ZNF99: variants seen among roughly 807,000 people sequenced by gnomAD.
ZNF99 encodes zinc finger protein 99.
ZNF99 carries 8 observed loss-of-function variants against 12.8 expected under a neutral mutation model. That is an observed-to-expected ratio of 0.62 (90% confidence interval 0.37 to 1.13). ZNF99 has a LOEUF of 1.13. Ranked by LOEUF, ZNF99 falls within the 50% of genes most tolerant of loss-of-function variation. ZNF99 has a pLI of 0.02. For synonymous variants in ZNF99, 318 were observed against 319.0 expected, an observed-to-expected ratio of 1.00 and a Z score of 0.03; for missense variants, 1,007 against 1,006.2, an observed-to-expected ratio of 1.00 and a Z score of -0.01.
In ZNF99 at chr19:22,758,098, T is replaced by C. The variant is rs1256117835; in HGVS notation, c.1811A>G (p.His604Arg). Residue 604 changes from histidine to arginine, a missense_variant, in exon 4 of 4, where the codon CAC (histidine) becomes CGC (arginine). By Grantham distance (29) the His-to-Arg change is conservative. Transcript: ENST00000596209. ...CTGATGTTTTCTAAGGGCTGAGAAG[T>C]GGTTAAAAGCTTTGCCACATTCTTC... ...KCEECGKAFNHFSALRKHQII... is the reference protein window; with the variant it reads ...KCEECGKAFNRFSALRKHQII... 4 of 1,604,780 alleles carry C rather than the reference T, an allele frequency of 2.5e-6. No homozygotes were observed. Among genetic ancestry groups the C allele is most frequent in the Non-Finnish European group, 3.4e-6 (4 of 1,173,732 alleles).
At position 22,756,028 on chromosome 19, in the gene ZNF99, T is replaced by C. The variant is rs1973045608; in HGVS notation, c.*1286A>G. Reference sequence around the variant, plus strand: ...ACTGGTTAAAGGCTTTGCCACATTCTTTACATTTGTGGGGTTTCTCTCCAG... The same window carrying C: ...ACTGGTTAAAGGCTTTGCCACATTCCTTACATTTGTGGGGTTTCTCTCCAG... On this transcript the variant is annotated 3_prime_UTR_variant, in exon 4 of 4. Transcript: ENST00000596209. The C allele has an allele frequency of 2.9e-6, 3 of 1,034,538 alleles. No homozygotes were observed. The Admixed American group carries it at 6.5e-5, about 22-fold the overall frequency. 64.1% of individuals were successfully genotyped at this position (1,034,538 alleles called of 1,614,324 possible).
chr19:22,755,543 T>C lies in ZNF99; in HGVS notation c.*1771A>G, dbSNP rs961179681. The C allele has an allele frequency of 2.3e-5, 7 of 304,262 alleles. No homozygotes were observed. Among genetic ancestry groups the C allele is most frequent in the African/African-American group, 1.1e-4 (5 of 45,352 alleles). 18.8% of individuals were successfully genotyped at this position (304,262 alleles called of 1,614,324 possible). ...ACATTCTTCACATTTGTAAAGTATC[T>C]CTCCAGTATGAATTATCTTATGTTC... On this transcript the variant is annotated 3_prime_UTR_variant, in exon 4 of 4. Transcript: ENST00000596209.
chr19:22,758,067 A>G lies in ZNF99; in HGVS notation c.1842T>C (p.Ile614=). Residue 614 remains isoleucine, a synonymous_variant, in exon 4 of 4, where the codon ATT becomes ATC. Coordinates refer to ENST00000596209, the MANE Select transcript of ZNF99 (RefSeq NM_001080409.3). ...ATTTGTAGGGTTTCTTTCCAGTATG[A>G]ATTATCTGATGTTTTCTAAGGGCTG... is the stretch of plus-strand genomic sequence containing the variant. The part of the protein sequence containing the change: ...HFSALRKHQI[I]HTGKKPYKCE... 1.2e-6 allele frequency: 2 copies of G among 1,604,664 alleles called. No individual in the cohort carries two copies. Among genetic ancestry groups the G allele is most frequent in the Non-Finnish European group, 8.5e-7 (1 of 1,173,744 alleles).
intron 1 of ZNF99, among the ~76,000 whole-genome samples, chr19:22,769,590 A>T (rs1973243309): frequency 6.6e-6 from 1 of 151,988 alleles, no homozygotes; most frequent in Admixed American, 6.6e-5. Context: ...ACACGGTGAA[A>T]CCCCGTCTCT....
chr19:22,777,195 C>A (rs1973339565), intron 1 of ZNF99, among the ~76,000 whole-genome samples: 1 of 152,108 alleles, frequency 6.6e-6, no homozygotes, highest in Non-Finnish European at 1.5e-5. Flanking sequence ...GGTATATAAA[C>A]ATCATGGAAT....
Position 22,755,605 on chromosome 19 carries a change from T to C in ZNF99, c.*1709A>G. 3.5e-6 allele frequency: 1 copy of C among 282,112 alleles called. No homozygotes were observed. Among genetic ancestry groups the C allele is most frequent in the Non-Finnish European group, 7.2e-6 (1 of 138,292 alleles). 17.5% of individuals were successfully genotyped at this position (282,112 alleles called of 1,614,324 possible). On this transcript the variant is annotated 3_prime_UTR_variant, in exon 4 of 4. Transcript: ENST00000596209. ...AGAAGCAGTTAAAAGTTTTGCCAAA[T>C]TCTTTAAATTTGTAGTGTTCCTCTC...
chr19:22,757,332 G>C lies in ZNF99; in HGVS notation c.2577C>G (p.Pro859=), dbSNP rs374773682. ...NVAKLLNISQ[P]LENMR is the part of the protein sequence containing the mutation. Reference sequence around the variant, plus strand: ...GTATGAATTATCTCATGTTTTCTAAGGGCTGAGAAATGTTTAAAAGCTTTG... The same window carrying C: ...GTATGAATTATCTCATGTTTTCTAACGGCTGAGAAATGTTTAAAAGCTTTG... The change falls in exon 4 of 4, where the codon CCC becomes CCG. Residue 859 remains proline (P), a synonymous_variant. Transcript: ENST00000596209. 3.5e-5 allele frequency: 56 copies of C among 1,612,388 alleles called. No homozygotes were observed. The highest frequency in any genetic ancestry group is 1.0e-4 in the Admixed American group (6 of 59,936).
At chr19:22,763,904 C>CTTTTTTTTTTTTTTTT (rs965211065) in intron 3 of ZNF99, among the ~76,000 whole-genome samples, 2 of 101,684 alleles carry the variant, frequency 2.0e-5, no homozygotes, top group Non-Finnish European at 3.6e-5. Flanking sequence ...TTTTTCTTTC[C>CTTTTTTTTTTTTTTTT]TTTTTTTTTT....
intron 3 of ZNF99, among the ~76,000 whole-genome samples, chr19:22,764,571 T>G (rs575420936): frequency 6.6e-6 from 1 of 152,116 alleles, no homozygotes; most frequent in African/African-American, 2.4e-5. Flanking sequence ...GGAGAAAATC[T>G]TCACAATCTA....
chr19:22,769,199 C>A lies in ZNF99; in HGVS notation c.129G>T (p.Leu43=). ...MLENYRNLVF[L]GIAVSKLDLI... is the part of the protein sequence containing the mutation. ...TTGCTTAATTAAAATCATCCTCACCCAGGAAGACCAGGTTTCTGTAGTTCT... is the reference window on the plus strand; with the variant it reads ...TTGCTTAATTAAAATCATCCTCACCAAGGAAGACCAGGTTTCTGTAGTTCT... The change falls in exon 2 of 4, where the codon CTG becomes CTT. Residue 43 remains leucine, a splice_region_variant and synonymous_variant. Coordinates refer to ENST00000596209, the MANE Select transcript of ZNF99 (RefSeq NM_001080409.3). The A allele has an allele frequency of 3.1e-6, 5 of 1,605,654 alleles. No homozygotes were observed. Among genetic ancestry groups the A allele is most frequent in the Non-Finnish European group, 4.3e-6 (5 of 1,175,412 alleles).
rs556678774 is a variant in ZNF99 at position 22,756,612 on chromosome 19, T to C, written c.*702A>G. 2 of 1,600,198 alleles carry C rather than the reference T, an allele frequency of 1.2e-6. 1 individual carries two copies. The highest frequency in any genetic ancestry group is 3.0e-5 in the African/African-American group (2 of 66,634). ...ATTGCTTAAAAGCTTTGCCACATTC[T>C]TCACATTTGTACGGTTTCTCCCCAG... is the stretch of plus-strand genomic sequence containing the variant. On this transcript the variant is annotated 3_prime_UTR_variant, in exon 4 of 4. Transcript: ENST00000596209.
chr19:22,775,481 T>C (rs1387093102), intron 1 of ZNF99, among the ~76,000 whole-genome samples: 3 of 152,136 alleles, frequency 2.0e-5, no homozygotes, highest in Non-Finnish European at 4.4e-5. Context: ...GAAAATACCA[T>C]TTTACACATG....
chr19:22,770,002 C>T (rs752668204), intron 1 of ZNF99: 1 of 1,351,958 alleles, frequency 7.4e-7, no homozygotes, highest in Non-Finnish European at 9.8e-7. Context: ...GAAGACACCT[C>T]TCAAATTTTA....
Position 22,756,068 on chromosome 19 carries a change from T to C in ZNF99, c.*1246A>G. 2 of 1,362,388 alleles carry C rather than the reference T, an allele frequency of 1.5e-6. No individual in the cohort carries two copies. Among genetic ancestry groups the C allele is most frequent in the South Asian group, 1.2e-5 (1 of 82,092 alleles). The allele number at this position is 1,362,388 out of a possible 1,614,324, so 84.4% of individuals were successfully genotyped here. On this transcript the variant is annotated 3_prime_UTR_variant, in exon 4 of 4. Coordinates refer to ENST00000596209, the MANE Select transcript of ZNF99 (RefSeq NM_001080409.3). ...TTTCTCTCCAGCATGAATTGTTTTC[T>C]GCCTATTAAGGCTTGAGGACTGGTT...
chr19:22,754,055 T>C lies in ZNF99; in HGVS notation c.*3259A>G, dbSNP rs1193605354. 4.4e-6 allele frequency: 2 copies of C among 455,872 alleles called. No homozygotes were observed. The highest frequency in any genetic ancestry group is 8.8e-6 in the Non-Finnish European group (2 of 226,814). 28.2% of individuals were successfully genotyped at this position (455,872 alleles called of 1,614,324 possible). A position where few individuals can be genotyped will look rare whatever the true frequency, so the allele number is the denominator to read the frequency against. The stretch of plus-strand genomic sequence containing the variant: ...CTCTCCAGTATGATTTGATAACTTA[T>C]TAAAAACTTTGCCACATTCGACCGG... On this transcript the variant is annotated 3_prime_UTR_variant, in exon 4 of 4. Transcript: ENST00000596209.
Position 22,754,576 on chromosome 19 carries a change from G to A in ZNF99, c.*2738C>T, listed in dbSNP as rs1008781316. On this transcript the variant is annotated 3_prime_UTR_variant, in exon 4 of 4. Transcript: ENST00000596209. Reference sequence around the variant, plus strand: ...CTTTGTTACATTCTTCACATTTGTCGGGTTTCTCTTCAGTATGAATTATCT... The same window carrying A: ...CTTTGTTACATTCTTCACATTTGTCAGGTTTCTCTTCAGTATGAATTATCT... 60 of 415,838 alleles carry A rather than the reference G, an allele frequency of 1.4e-4. No individual in the cohort carries two copies. Among genetic ancestry groups the A allele is most frequent in the African/African-American group, 7.9e-4 (38 of 47,804 alleles). 25.8% of individuals were successfully genotyped at this position (415,838 alleles called of 1,614,324 possible).
Position 22,758,430 on chromosome 19 carries a change from G to T in ZNF99, c.1479C>A (p.Ser493=), listed in dbSNP as rs1197460921. Reference sequence around the variant, plus strand: ...TTACCTTATGTACAGTAAGTTTTGAGGACCACTTAAAAGCTTTACCACATT... The same window carrying T: ...TTACCTTATGTACAGTAAGTTTTGATGACCACTTAAAAGCTTTACCACATT... ...CEECGKAFKW[S]SKLTVHKVIH... is the part of the protein sequence containing the mutation. The change falls in exon 4 of 4, where the codon TCC becomes TCA. Residue 493 remains serine (S), a synonymous_variant. Coordinates refer to ENST00000596209, the MANE Select transcript of ZNF99 (RefSeq NM_001080409.3). 6.2e-7 allele frequency: 1 copy of T among 1,612,396 alleles called. No individual in the cohort carries two copies. Among genetic ancestry groups the T allele is most frequent in the Non-Finnish European group, 8.5e-7 (1 of 1,179,520 alleles).
chr19:22,757,855 G>C lies in ZNF99; in HGVS notation c.2054C>G (p.Ala685Gly), dbSNP rs769547795. The C allele has an allele frequency of 6.2e-7, 1 of 1,611,748 alleles. No homozygotes were observed. Among genetic ancestry groups the C allele is most frequent in the Admixed American group, 1.7e-5 (1 of 59,910 alleles). ...KPYKCEECGK[A>G]FNHFSALRKH... ...CCTAAGGGCTGAGAAATGGTTAAAA[G>C]CCTTGCCACATTCTTCACATTTGTA... is the stretch of plus-strand genomic sequence containing the variant. The change falls in exon 4 of 4, where the codon GCT (alanine) becomes GGT (glycine). Residue 685 changes from alanine to glycine, a missense_variant. By Grantham distance (60) the Ala-to-Gly change is moderately conservative. Coordinates refer to ENST00000596209, the MANE Select transcript of ZNF99 (RefSeq NM_001080409.3).
chr19:22,760,752 A>C (rs1166710777), intron 3 of ZNF99, among the ~76,000 whole-genome samples: 3 of 152,150 alleles, frequency 2.0e-5, no homozygotes, highest in African/African-American at 7.2e-5. Flanking sequence ...TCAAAAAAAA[A>C]TAAATGAATA....
Sources: gnomAD v4.1 joint callset for allele counts (sites outside exome capture counted in the v4.1 genomes callset) on GRCh38, gnomAD v4.1.1 for gene constraint, MANE v1.5 for transcripts, NCBI Gene and HGNC (gene_info 2026-07-23, HGNC 2026-07-21) for gene names.